Variants in CNTN5 observed in about 807,000 individuals in gnomAD.
CNTN5 encodes contactin-5.
A neutral mutation model predicts 129.1 loss-of-function variants in CNTN5; 77 were observed. The ratio of observed to expected loss-of-function variants is 0.60; its 90% confidence interval spans 0.50 to 0.72. The LOEUF is 0.72. Ranked by LOEUF, CNTN5 falls within the 30% of genes least tolerant of loss-of-function variation. CNTN5 has a pLI of 0.00. For missense variants in CNTN5, 1,478 were observed against 1,328.8 expected (o/e 1.11, Z -1.75); for synonymous variants, 509 against 465.6 (o/e 1.09, Z -1.20).
chr11:99,190,396 C>G (rs1858574881), intron 1 of CNTN5, among the ~76,000 whole-genome samples: 1 of 151,372 alleles, frequency 6.6e-6, no homozygotes, highest in African/African-American at 2.4e-5. Flanking sequence ...TTTTGTAGTT[C>G]TATACAAACT....
intron 2 of CNTN5, among the ~76,000 whole-genome samples, chr11:99,550,169 A>G (rs770076909): frequency 6.6e-6 from 1 of 152,194 alleles, no homozygotes; most frequent in Non-Finnish European, 1.5e-5. Context: ...TCTGCTCACT[A>G]CATCTCTTAG....
Position 99,193,554 on chromosome 11 carries a change from T to C in CNTN5, c.-209-131792T>C, listed in dbSNP as rs148699867. Among the ~76,000 whole-genome samples the C allele has an allele frequency of 1.4e-3, 215 of 152,254 alleles. 1 individual carries two copies. Among genetic ancestry groups the C allele is most frequent in the African/African-American group, 5.1e-3 (210 of 41,570 alleles). ...TTCTTCCTAGATTGGGAATGCAGTATGGTAACATGTCCTTCACTTGAGCTG... is the reference window on the plus strand; with the variant it reads ...TTCTTCCTAGATTGGGAATGCAGTACGGTAACATGTCCTTCACTTGAGCTG... On this transcript the variant is annotated intron_variant, in intron 1 of 24. Coordinates refer to ENST00000524871, the MANE Select transcript of CNTN5 (RefSeq NM_014361.4).
chr11:99,279,016 C>G (rs1455654541), intron 1 of CNTN5, among the ~76,000 whole-genome samples: 1 of 151,616 alleles, frequency 6.6e-6, no homozygotes, highest in Non-Finnish European at 1.5e-5. Context: ...AAAATATTGA[C>G]ATATTATAAT....
At chr11:99,985,082 A>AGCT (rs1938594455) in intron 8 of CNTN5, among the ~76,000 whole-genome samples, 2 of 152,088 alleles carry the variant, frequency 1.3e-5, no homozygotes, top group Non-Finnish European at 2.9e-5. Flanking sequence ...TCCACTACCC[A>AGCT]TAGAGTGCAG....
At chr11:99,561,163 C>T (rs559937328) in intron 3 of CNTN5, among the ~76,000 whole-genome samples, 6 of 151,930 alleles carry the variant, frequency 3.9e-5, no homozygotes, top group South Asian at 2.1e-4. Flanking sequence ...AGAAAGTAAG[C>T]GAGTGCTAAA....
At chr11:99,969,901 C>A (rs1472796714) in intron 8 of CNTN5, among the ~76,000 whole-genome samples, 1 of 152,162 alleles carries the variant, frequency 6.6e-6, no homozygotes, top group Non-Finnish European at 1.5e-5. Flanking sequence ...CTCCTCACCC[C>A]CATGATATTT....
chr11:99,877,060 T>C (rs758245870), intron 6 of CNTN5, among the ~76,000 whole-genome samples: 51 of 152,182 alleles, frequency 3.4e-4, no homozygotes, highest in Non-Finnish European at 5.6e-4. Context: ...GATGCCATGA[T>C]ATAGATGGTT....
intron 21 of CNTN5, among the ~76,000 whole-genome samples, chr11:100,325,716 C>T (rs1951775887): frequency 6.6e-6 from 1 of 152,144 alleles, no homozygotes; most frequent in Admixed American, 6.5e-5. Flanking sequence ...TCTGGCATCT[C>T]CCTGCACAGC....
In CNTN5 at chr11:99,557,299, G is replaced by A. The variant is rs183159752; in HGVS notation, c.55+1030G>A. On this transcript the variant is annotated intron_variant, in intron 3 of 24. Coordinates refer to ENST00000524871, the MANE Select transcript of CNTN5 (RefSeq NM_014361.4). ...TGAGGATAACACATGTTCAAGATAT[G>A]TATTTATGATCATATATAATATAGA... Among the ~76,000 whole-genome samples, 873 of 151,120 alleles carry A rather than the reference G, an allele frequency of 5.8e-3. 2 individuals carry two copies. The highest frequency in any genetic ancestry group is 9.3e-3 in the Non-Finnish European group (629 of 67,414).
intron 13 of CNTN5, among the ~76,000 whole-genome samples, chr11:100,103,074 A>C (rs1945284543): frequency 6.6e-6 from 1 of 152,214 alleles, no homozygotes; most frequent in South Asian, 2.1e-4. Context: ...ATGAATTAGA[A>C]CATAAAGTCA....
intron 1 of CNTN5, among the ~76,000 whole-genome samples, chr11:99,233,901 G>A (rs376177438): frequency 5.3e-5 from 8 of 152,206 alleles, no homozygotes; most frequent in East Asian, 3.9e-4. Context: ...AGCGGAGATC[G>A]CACCACTGCA....
At chr11:99,760,303 G>A (rs17609794) in intron 3 of CNTN5, among the ~76,000 whole-genome samples, 3,063 of 152,198 alleles carry the variant, frequency 0.02, 52 homozygotes, top group Non-Finnish European at 0.028. Flanking sequence ...CGCTAATTCT[G>A]TAGTCCTTTT....
chr11:99,288,787 T>C (rs1864048987), intron 1 of CNTN5, among the ~76,000 whole-genome samples: 1 of 151,930 alleles, frequency 6.6e-6, no homozygotes, highest in African/African-American at 2.4e-5. Context: ...AAATGAACTA[T>C]TATTTTGAAA....
intron 2 of CNTN5, among the ~76,000 whole-genome samples, chr11:99,406,722 C>G (rs1942086342): frequency 6.6e-6 from 1 of 152,134 alleles, no homozygotes; most frequent in Non-Finnish European, 1.5e-5. Flanking sequence ...AGAAGTTTAC[C>G]TGGTGTTCTG....
intron 3 of CNTN5, among the ~76,000 whole-genome samples, chr11:99,751,720 A>T (rs10790945): frequency 1.3e-5 from 2 of 152,072 alleles, no homozygotes; most frequent in Admixed American, 6.5e-5. Context: ...TTTTTCTATA[A>T]GCCAAGTTCA....
intron 9 of CNTN5, among the ~76,000 whole-genome samples, chr11:100,020,509 A>G (rs1057402935): frequency 1.3e-5 from 2 of 152,048 alleles, no homozygotes; most frequent in African/African-American, 4.8e-5. Context: ...CTGTGCCAGT[A>G]CCATGCTGTT....
rs749906681 is a variant in CNTN5 at position 99,454,309 on chromosome 11, T to C, written c.-70-101836T>C. Among the ~76,000 whole-genome samples, 2 of 152,202 alleles carry C rather than the reference T, an allele frequency of 1.3e-5. 1 individual carries two copies. Among genetic ancestry groups the C allele is most frequent in the Middle Eastern group, 6.3e-3 (2 of 316 alleles). On this transcript the variant is annotated intron_variant, in intron 2 of 24. Coordinates refer to ENST00000524871, the MANE Select transcript of CNTN5 (RefSeq NM_014361.4). ...GCTTTGTGTTCCCACCCAAATCTTA[T>C]CTTGAATTGTAATCCGTATAATTCC...
At chr11:99,029,625 A>G (rs1863267526) in intron 1 of CNTN5, among the ~76,000 whole-genome samples, 1 of 152,172 alleles carries the variant, frequency 6.6e-6, no homozygotes. Flanking sequence ...GGAAAACAGT[A>G]GGAAAGCTAA....
At chr11:99,174,736 C>T (rs1464499984) in intron 1 of CNTN5, among the ~76,000 whole-genome samples, 4 of 151,796 alleles carry the variant, frequency 2.6e-5, no homozygotes, top group Non-Finnish European at 5.9e-5. Context: ...TAAATACTAT[C>T]CATTCTAGTT....
Sources: gnomAD v4.1 joint callset for allele counts (sites outside exome capture counted in the v4.1 genomes callset) on GRCh38, gnomAD v4.1.1 for gene constraint, MANE v1.5 for transcripts, NCBI Gene and HGNC (gene_info 2026-07-23, HGNC 2026-07-21) for gene names.